Variants in OTUB2 observed in about 807,000 individuals in gnomAD.
OTUB2 encodes OTU deubiquitinase, ubiquitin aldehyde binding 2.
A neutral mutation model predicts 25.1 loss-of-function variants in OTUB2; 21 were observed. The ratio of observed to expected loss-of-function variants is 0.84; its 90% confidence interval spans 0.59 to 1.21. The LOEUF (loss-of-function observed/expected upper bound fraction) is 1.21, where lower values mean the gene tolerates loss of function less well. Ranked by LOEUF, OTUB2 falls within the 50% of genes most tolerant of loss-of-function variation. The pLI, the probability that OTUB2 is intolerant of heterozygous loss-of-function variation, is 0.00. For synonymous variants in OTUB2, 122 were observed against 122.8 expected, an observed-to-expected ratio of 0.99 and a Z score of 0.04; for missense variants, 283 against 298.0, an observed-to-expected ratio of 0.95 and a Z score of 0.37.
intron 3 of OTUB2, among the ~76,000 whole-genome samples, chr14:94,041,948 C>T (rs1885169150): frequency 6.6e-6 from 1 of 152,154 alleles, no homozygotes; most frequent in Non-Finnish European, 1.5e-5. Context: ...GTGTTCCGTG[C>T]TAGCTCTTAG....
chr14:94,034,600 G>A (rs183870370), intron 1 of OTUB2, among the ~76,000 whole-genome samples: 101 of 152,250 alleles, frequency 6.6e-4, no homozygotes, highest in Admixed American at 1.4e-3. Flanking sequence ...GAGATAATGG[G>A]GACGTGTCAG....
chr14:94,044,085 T>C lies in OTUB2; in HGVS notation c.303+30T>C, dbSNP rs200680313. On this transcript the variant is annotated intron_variant, in intron 4 of 5. Coordinates refer to ENST00000203664, the MANE Select transcript of OTUB2 (RefSeq NM_023112.4). ...GTTCACCTGGTCCCTCCTTCCACAC[T>C]GGCAGAGCAGACAGGAGTGGGCACT... 21 of 1,595,918 alleles carry C rather than the reference T, an allele frequency of 1.3e-5. No individual in the cohort carries two copies. In the Admixed American group the frequency reaches 1.8e-4, roughly 14 times the overall value.
At chr14:94,043,799 G>T (rs571444937) in intron 3 of OTUB2, among the ~76,000 whole-genome samples, 172 bp from the exon 4 acceptor site, 1 of 152,354 alleles carries the variant, frequency 6.6e-6, no homozygotes, top group African/African-American at 2.4e-5. Flanking sequence ...GGGCCAGGGT[G>T]GAGATGTGCA....
chr14:94,030,988 A>T (rs1660246185), intron 1 of OTUB2, among the ~76,000 whole-genome samples: 1 of 152,222 alleles, frequency 6.6e-6, no homozygotes, highest in South Asian at 2.1e-4. Context: ...GTCAGATCGC[A>T]CATTTGTGTT....
At chr14:94,035,455 A>AT (rs1481517157) in intron 1 of OTUB2, among the ~76,000 whole-genome samples, 1 of 151,320 alleles carries the variant, frequency 6.6e-6, no homozygotes, top group Non-Finnish European at 1.5e-5. Flanking sequence ...TGCCCAGCTA[A>AT]TTTTTTTGTA....
At chr14:94,037,333 G>A (rs754480523) in intron 1 of OTUB2, 47 bp from the exon 2 acceptor site, 10 of 1,427,936 alleles carry the variant, frequency 7.0e-6, no homozygotes, top group South Asian at 4.7e-5. Context: ...AGTCCCGTCC[G>A]TTGCTTTTGA....
rs555766695 is a variant in OTUB2, at chr14:94,046,611, C to G, written c.*689C>G. The G allele has an allele frequency of 1.3e-5, 2 of 152,888 alleles. No homozygotes were observed. The highest frequency in any genetic ancestry group is 4.1e-4 in the South Asian group (2 of 4,832). The allele number at this position is 152,888 out of a possible 1,614,324, so 9.5% of individuals were successfully genotyped here. ...CTCTCAGGGCTAGAACTGCCTGACT[C>G]TTGGTGGACGAGCCCTTCAGGGTTC... On this transcript the variant is annotated 3_prime_UTR_variant, in exon 6 of 6. Coordinates refer to ENST00000203664, the MANE Select transcript of OTUB2 (RefSeq NM_023112.4).
chr14:94,038,740 C>A (rs141466561), intron 2 of OTUB2, among the ~76,000 whole-genome samples: 1 of 152,230 alleles, frequency 6.6e-6, no homozygotes, highest in African/African-American at 2.4e-5. Flanking sequence ...TCTTCCCTCC[C>A]GGACCGTAGG....
chr14:94,044,254 C>G lies in OTUB2; in HGVS notation c.303+199C>G, dbSNP rs115736027. ...TATTCCATCTCCACCTCATGCCTCC[C>G]TATCCAATTAGTGAAGGGGCGGGAT... On this transcript the variant is annotated intron_variant, in intron 4 of 5. Transcript: ENST00000203664. Among the ~76,000 whole-genome samples the G allele has an allele frequency of 3.2e-3, 481 of 152,296 alleles. 3 individuals carry two copies. Among genetic ancestry groups the G allele is most frequent in the African/African-American group, 0.011 (449 of 41,576 alleles).
intron 5 of OTUB2, among the ~76,000 whole-genome samples, chr14:94,045,492 C>A (rs1394894884): frequency 6.6e-6 from 1 of 152,204 alleles, no homozygotes. Context: ...GGAAAAGATT[C>A]AGGTTCGATT....
intron 1 of OTUB2, among the ~76,000 whole-genome samples, chr14:94,027,476 C>G (rs1387679504): frequency 1.3e-5 from 2 of 152,238 alleles, no homozygotes; most frequent in African/African-American, 2.4e-5. Flanking sequence ...AGTCTCACTT[C>G]CACCTGTTGG....
intron 3 of OTUB2, among the ~76,000 whole-genome samples, chr14:94,041,610 C>T (rs1221149343): frequency 1.3e-5 from 2 of 152,128 alleles, no homozygotes; most frequent in African/African-American, 2.4e-5. Flanking sequence ...GAAATATGCC[C>T]CTGACCTCTA....
chr14:94,030,463 G>A (rs1310760608), intron 1 of OTUB2, among the ~76,000 whole-genome samples: 1 of 152,060 alleles, frequency 6.6e-6, no homozygotes, highest in Non-Finnish European at 1.5e-5. Flanking sequence ...GTCAGGCCCG[G>A]AGAGGAAGAT....
At chr14:94,029,989 C>T (rs1237174779) in intron 1 of OTUB2, among the ~76,000 whole-genome samples, 2 of 152,182 alleles carry the variant, frequency 1.3e-5, no homozygotes, top group Non-Finnish European at 2.9e-5. Flanking sequence ...CGTGCAAAGG[C>T]CCTGGGGTGA....
At chr14:94,035,291 T>C (rs10144247) in intron 1 of OTUB2, among the ~76,000 whole-genome samples, 219 of 104,376 alleles carry the variant, frequency 2.1e-3, no homozygotes, top group Middle Eastern at 4.5e-3. Flanking sequence ...CTTTTCTTTT[T>C]TTTTTTTTTT....
intron 1 of OTUB2, among the ~76,000 whole-genome samples, chr14:94,035,732 G>C (rs1026145767): frequency 1.3e-5 from 2 of 152,210 alleles, no homozygotes; most frequent in Non-Finnish European, 2.9e-5. Flanking sequence ...GTTCAAGGGA[G>C]AGCACAAGCC....
chr14:94,038,996 A>G lies in OTUB2; in HGVS notation c.133A>G (p.Thr45Ala), dbSNP rs138275549. ...LSKRFTAIRKTKGDGNCFYRA... is the reference protein window; with the variant it reads ...LSKRFTAIRKAKGDGNCFYRA... ...CAAAAGGTTCACCGCCATCCGCAAG[A>G]CCAAAGGGGATGGGAACTGCTTCTA... Residue 45 changes from threonine (T) to alanine (A), a missense_variant, in exon 3 of 6, where the codon ACC becomes GCC. Coordinates refer to ENST00000203664, the MANE Select transcript of OTUB2 (RefSeq NM_023112.4). 63 of 1,614,028 alleles carry G rather than the reference A, an allele frequency of 3.9e-5. No homozygotes were observed. The highest frequency in any genetic ancestry group is 5.3e-5 in the Non-Finnish European group (62 of 1,180,038).
At chr14:94,028,441 C>A (rs1884903560) in intron 1 of OTUB2, among the ~76,000 whole-genome samples, 1 of 152,158 alleles carries the variant, frequency 6.6e-6, no homozygotes, top group Non-Finnish European at 1.5e-5. Flanking sequence ...GGAAGGGCGC[C>A]CCGTGGAAGA....
chr14:94,044,497 C>T, intron 4 of OTUB2, 89 bp from the exon 5 acceptor site: 2 of 1,323,208 alleles, frequency 1.5e-6, no homozygotes, highest in Non-Finnish European at 2.1e-6. Flanking sequence ...CACGTGAGGG[C>T]TTCACGCGAA....
Sources: gnomAD v4.1 joint callset for allele counts (sites outside exome capture counted in the v4.1 genomes callset) on GRCh38, gnomAD v4.1.1 for gene constraint, MANE v1.5 for transcripts, NCBI Gene and HGNC (gene_info 2026-07-23, HGNC 2026-07-21) for gene names.